The following FAM81A variants were observed in gnomAD, a reference collection of about 807,000 sequenced individuals.
FAM81A encodes family with sequence similarity 81 member A, also known as protein FAM81A.
FAM81A carries 19 observed loss-of-function variants against 46.7 expected under a neutral mutation model. That is an observed-to-expected ratio of 0.41 (90% confidence interval 0.28 to 0.60). The LOEUF (loss-of-function observed/expected upper bound fraction) is 0.60. Ranked by LOEUF, FAM81A falls within the 20% of genes least tolerant of loss-of-function variation. The pLI, the probability that FAM81A is intolerant of heterozygous loss-of-function variation, is 0.34. For synonymous variants in FAM81A, 183 were observed against 152.9 expected, an observed-to-expected ratio of 1.20 and a Z score of -1.45; for missense variants, 377 against 453.5, an observed-to-expected ratio of 0.83 and a Z score of 1.53.
chr15:59,465,349 G>A (rs1435886340), intron 3 of FAM81A, among the ~76,000 whole-genome samples: 2 of 152,034 alleles, frequency 1.3e-5, no homozygotes, highest in Non-Finnish European at 2.9e-5. Context: ...ATTGGCTCAC[G>A]GCAACCTCAG....
intron 1 of FAM81A, among the ~76,000 whole-genome samples, chr15:59,398,363 A>C (rs1283420453): frequency 2.0e-5 from 3 of 152,228 alleles, no homozygotes; most frequent in African/African-American, 4.8e-5. Flanking sequence ...TGTAACCAAA[A>C]TAACAGTGCC....
upstream of FAM81A, among the ~76,000 whole-genome samples, chr15:59,433,428 G>C (rs558065113): frequency 1.3e-5 from 2 of 152,156 alleles, no homozygotes; most frequent in South Asian, 4.2e-4. Context: ...ATTATTAAAA[G>C]GATCTTCTCA....
intron 3 of FAM81A, among the ~76,000 whole-genome samples, chr15:59,472,892 A>G (rs1040642224): frequency 1.3e-5 from 2 of 152,210 alleles, no homozygotes; most frequent in African/African-American, 2.4e-5. Context: ...GGATGCTGGT[A>G]TCTATATTAA....
chr15:59,495,187 C>A (rs2082021004), intron 4 of FAM81A, among the ~76,000 whole-genome samples: 1 of 152,138 alleles, frequency 6.6e-6, no homozygotes, highest in South Asian at 2.1e-4. Flanking sequence ...GCTGTCACTC[C>A]CCATTTTTCC....
intron 3 of FAM81A, among the ~76,000 whole-genome samples, chr15:59,486,571 T>G: frequency 6.6e-6 from 1 of 151,958 alleles, no homozygotes; most frequent in East Asian, 1.9e-4. Context: ...GAACACCAAG[T>G]AGATTTAACT....
intron 3 of FAM81A, among the ~76,000 whole-genome samples, chr15:59,487,602 G>C (rs2081933670): frequency 6.6e-6 from 1 of 151,908 alleles, no homozygotes; most frequent in Admixed American, 6.6e-5. Flanking sequence ...AAATTCAAAG[G>C]ATCATTAGAG....
intron 7 of FAM81A, 148 bp downstream of exon 7, chr15:59,514,572 C>G (rs2082247326): frequency 9.7e-7 from 1 of 1,035,322 alleles, no homozygotes; most frequent in South Asian, 2.2e-5. Flanking sequence ...CATATTGATG[C>G]TTTGTATTCT....
chr15:59,459,558 C>T (rs886342046), intron 2 of FAM81A, among the ~76,000 whole-genome samples: 3 of 152,082 alleles, frequency 2.0e-5, no homozygotes, highest in African/African-American at 7.2e-5. Context: ...GCCTGACCCA[C>T]GTAGGCATTG....
intron 3 of FAM81A, among the ~76,000 whole-genome samples, chr15:59,485,076 G>A (rs1335182480): frequency 6.6e-6 from 1 of 152,100 alleles, no homozygotes; most frequent in Non-Finnish European, 1.5e-5. Flanking sequence ...TGGTGGTTTC[G>A]GCACTAGCTC....
intron 5 of FAM81A, among the ~76,000 whole-genome samples, chr15:59,508,109 A>G (rs959208189): frequency 1.3e-5 from 2 of 152,270 alleles, no homozygotes; most frequent in Non-Finnish European, 2.9e-5. Context: ...GAATAAAAAG[A>G]CAATCCAATA....
chr15:59,400,458 AC>A (rs35709972), intron 1 of FAM81A, among the ~76,000 whole-genome samples: 2 of 151,258 alleles, frequency 1.3e-5, no homozygotes, highest in Non-Finnish European at 2.9e-5. Flanking sequence ...ACCGGCTCAG[AC>A]CCCCCTACCC....
chr15:59,491,288 T>C (rs1257533546), intron 3 of FAM81A, among the ~76,000 whole-genome samples: 4 of 152,172 alleles, frequency 2.6e-5, no homozygotes, highest in African/African-American at 9.7e-5. Context: ...GAGGTCATTA[T>C]GTTAAGTGAA....
chr15:59,436,838 C>T (rs1198678191), upstream of FAM81A, among the ~76,000 whole-genome samples: 6 of 152,190 alleles, frequency 3.9e-5, no homozygotes, highest in African/African-American at 1.4e-4. Flanking sequence ...GACTCAAGGC[C>T]ATTACTCTCC....
chr15:59,478,427 A>G (rs2081801669), intron 3 of FAM81A, among the ~76,000 whole-genome samples: 1 of 152,210 alleles, frequency 6.6e-6, no homozygotes, highest in Non-Finnish European at 1.5e-5. Context: ...GGCTTTACTA[A>G]CATGGGAAAG....
At chr15:59,488,889 G>A (rs531106035) in intron 3 of FAM81A, among the ~76,000 whole-genome samples, 51 of 152,136 alleles carry the variant, frequency 3.4e-4, no homozygotes, top group Middle Eastern at 3.4e-3. Context: ...CTTGTGCCTT[G>A]GGGGCAGAGG....
intron 2 of FAM81A, among the ~76,000 whole-genome samples, chr15:59,432,736 T>C (rs530204305): frequency 2.6e-5 from 4 of 152,186 alleles, no homozygotes; most frequent in Non-Finnish European, 5.9e-5. Flanking sequence ...ACATTGGCTA[T>C]GATTGCAACA....
intron 1 of FAM81A, among the ~76,000 whole-genome samples, chr15:59,399,389 G>C (rs1409968045): frequency 6.6e-6 from 1 of 152,052 alleles, no homozygotes; most frequent in African/African-American, 2.4e-5. Context: ...TTTATGCTCA[G>C]CCCAATATTA....
chr15:59,426,640 AAT>A (rs1449874711), intron 2 of FAM81A, among the ~76,000 whole-genome samples: 1 of 152,172 alleles, frequency 6.6e-6, no homozygotes, highest in Non-Finnish European at 1.5e-5. Context: ...CAAACAAAGA[AAT>A]ACATGTACTC....
At chr15:59,509,156 A>G (rs1197315589) in intron 6 of FAM81A, among the ~76,000 whole-genome samples, 187 bp downstream of exon 6, 1 of 152,130 alleles carries the variant, frequency 6.6e-6, no homozygotes, top group African/African-American at 2.4e-5. Context: ...TTGTGTTTGG[A>G]TAATTATCCA....
Sources: gnomAD v4.1 joint callset for allele counts (sites outside exome capture counted in the v4.1 genomes callset) on GRCh38, gnomAD v4.1.1 for gene constraint, MANE v1.5 for transcripts, NCBI Gene and HGNC (gene_info 2026-07-23, HGNC 2026-07-21) for gene names.